ZBTB20: variants seen among roughly 807,000 people sequenced by gnomAD.
The protein encoded by ZBTB20 is zinc finger and BTB domain-containing protein 20.
ZBTB20 carries 9 observed loss-of-function variants against 56.9 expected under a neutral mutation model. The ratio of observed to expected loss-of-function variants is 0.16; its 90% CI spans 0.10 to 0.28. ZBTB20 has a LOEUF of 0.28. Ranked by LOEUF, ZBTB20 falls within the 10% of genes least tolerant of loss-of-function variation. The pLI is 1.00. For synonymous variants in ZBTB20, 417 were observed against 420.7 expected, an observed-to-expected ratio of 0.99 and a Z score of 0.11; for missense variants, 655 against 1,003.0, an observed-to-expected ratio of 0.65 and a Z score of 4.69.
At chr3:115,005,987 T>C (rs2079449178) in intron 2 of ZBTB20, among the ~76,000 whole-genome samples, 1 of 150,864 alleles carries the variant, frequency 6.6e-6, no homozygotes, top group Non-Finnish European at 1.5e-5. Context: ...TTTTTGTTCC[T>C]AGACATTGCC....
intron 4 of ZBTB20, among the ~76,000 whole-genome samples, chr3:114,874,997 T>C (rs961436849): frequency 6.6e-6 from 1 of 152,194 alleles, no homozygotes; most frequent in African/African-American, 2.4e-5. Flanking sequence ...CAATCTTTCA[T>C]GTGCTCATAG....
At chr3:114,648,886 G>C (rs1384673536) in intron 6 of ZBTB20, among the ~76,000 whole-genome samples, 1 of 151,962 alleles carries the variant, frequency 6.6e-6, no homozygotes, top group Non-Finnish European at 1.5e-5. Context: ...ATTTATTCTA[G>C]CTTCTACTCT....
chr3:114,428,289 C>T (rs1475384738), intron 7 of ZBTB20, among the ~76,000 whole-genome samples: 5 of 152,118 alleles, frequency 3.3e-5, no homozygotes, highest in East Asian at 3.8e-4. Context: ...ACATTAAATA[C>T]GCAGGTATTA....
intron 6 of ZBTB20, among the ~76,000 whole-genome samples, chr3:114,673,076 TTATCTGTAAA>T (rs1170263005): frequency 6.6e-6 from 1 of 152,186 alleles, no homozygotes; most frequent in African/African-American, 2.4e-5. Flanking sequence ...TAGGTGAAAC[TTATCTGTAAA>T]TTGCATATCA....
In ZBTB20 at chr3:114,998,194, T is replaced by C. The variant is rs2079102924; in HGVS notation, c.-506-23778A>G. 3.3e-5 allele frequency among the ~76,000 whole-genome samples: 5 copies of C among 151,820 alleles called. No individual in the cohort carries two copies. In the South Asian group the frequency reaches 1.0e-3, roughly 32 times the overall value. On this transcript the variant is annotated intron_variant, in intron 2 of 11. Coordinates refer to ENST00000675478, the MANE Select transcript of ZBTB20 (RefSeq NM_001348800.3). ...TACCATCTTACATAACCATGTACAT[T>C]ATGAAAATGAGGAAGTTGACCTAGT...
intron 11 of ZBTB20, among the ~76,000 whole-genome samples, chr3:114,347,246 CATCT>C (rs1162734668): frequency 6.6e-6 from 1 of 151,914 alleles, no homozygotes; most frequent in Non-Finnish European, 1.5e-5. Context: ...AAGCAACTAC[CATCT>C]ATATTAAACT....
intron 1 of ZBTB20, among the ~76,000 whole-genome samples, chr3:115,074,338 A>G (rs996291908): frequency 6.6e-6 from 1 of 152,174 alleles, no homozygotes; most frequent in Admixed American, 6.6e-5. Context: ...TCCAAACTTG[A>G]TAGTGGGTTG....
chr3:114,550,185 GC>G (rs1484651586), intron 6 of ZBTB20, among the ~76,000 whole-genome samples: 1 of 152,116 alleles, frequency 6.6e-6, no homozygotes, highest in African/African-American at 2.4e-5. Flanking sequence ...CGATCCGCCT[GC>G]CTTGGCCTCC....
intron 2 of ZBTB20, among the ~76,000 whole-genome samples, chr3:115,039,236 G>A (rs964429155): frequency 1.6e-4 from 24 of 152,054 alleles, no homozygotes; most frequent in Non-Finnish European, 3.1e-4. Context: ...TAAGAAGGGG[G>A]AAGAGGAAGG....
chr3:114,484,324 A>G (rs2041871411), intron 7 of ZBTB20, among the ~76,000 whole-genome samples: 1 of 152,206 alleles, frequency 6.6e-6, no homozygotes, highest in Non-Finnish European at 1.5e-5. Flanking sequence ...AAAAACACAA[A>G]CAAACCCTAC....
chr3:114,938,035 G>A (rs550503772), intron 3 of ZBTB20, among the ~76,000 whole-genome samples: 3 of 151,958 alleles, frequency 2.0e-5, no homozygotes, highest in Non-Finnish European at 4.4e-5. Flanking sequence ...GGAGAATGGC[G>A]TGAACCCAGG....
At chr3:114,776,419 A>T (rs1179414722) in intron 5 of ZBTB20, among the ~76,000 whole-genome samples, 1 of 152,178 alleles carries the variant, frequency 6.6e-6, no homozygotes, top group Non-Finnish European at 1.5e-5. Flanking sequence ...GTGACCAGAG[A>T]AGCTGAGATT....
intron 5 of ZBTB20, among the ~76,000 whole-genome samples, chr3:114,729,850 C>G (rs767031541): frequency 1.1e-4 from 16 of 151,736 alleles, no homozygotes; most frequent in Non-Finnish European, 2.2e-4. Flanking sequence ...GTCACCCAAG[C>G]TGGAGTGCGG....
At chr3:114,630,126 C>T (rs976138074) in intron 6 of ZBTB20, among the ~76,000 whole-genome samples, 1 of 151,962 alleles carries the variant, frequency 6.6e-6, no homozygotes, top group Non-Finnish European at 1.5e-5. Flanking sequence ...GGTGACAAAG[C>T]GAGACCTTGT....
chr3:114,904,100 T>C (rs989921940), intron 3 of ZBTB20, among the ~76,000 whole-genome samples: 12 of 152,064 alleles, frequency 7.9e-5, no homozygotes, highest in African/African-American at 2.9e-4. Flanking sequence ...CCATTCCAGA[T>C]GCAGATATAC....
chr3:114,598,608 A>G (rs1315310820), intron 6 of ZBTB20, among the ~76,000 whole-genome samples: 1 of 152,076 alleles, frequency 6.6e-6, no homozygotes, highest in Non-Finnish European at 1.5e-5. Context: ...TTTACTTCTA[A>G]TTACATATTT....
At chr3:114,613,256 G>C (rs1267544077) in intron 6 of ZBTB20, among the ~76,000 whole-genome samples, 1 of 152,182 alleles carries the variant, frequency 6.6e-6, no homozygotes, top group African/African-American at 2.4e-5. Flanking sequence ...GGAAGACTGG[G>C]AATGATAACT....
intron 5 of ZBTB20, among the ~76,000 whole-genome samples, chr3:114,796,410 C>A (rs1343845344): frequency 6.6e-6 from 1 of 151,722 alleles, no homozygotes; most frequent in African/African-American, 2.4e-5. Flanking sequence ...TTTAGGATGT[C>A]ATGTATATTG....
At chr3:114,543,633 C>T (rs1406553045) in intron 6 of ZBTB20, among the ~76,000 whole-genome samples, 1 of 152,202 alleles carries the variant, frequency 6.6e-6, no homozygotes, top group East Asian at 1.9e-4. Flanking sequence ...CTGTTTCCAG[C>T]ATGAGCCAAG....
Sources: gnomAD v4.1 joint callset for allele counts (sites outside exome capture counted in the v4.1 genomes callset) on GRCh38, gnomAD v4.1.1 for gene constraint, MANE v1.5 for transcripts, NCBI Gene and HGNC (gene_info 2026-07-23, HGNC 2026-07-21) for gene names.